The following MACO1 variants were observed in gnomAD, a reference collection of about 807,000 sequenced individuals.
MACO1 encodes the protein macoilin 1.
A neutral mutation model predicts 78.7 loss-of-function variants in MACO1; 14 were observed. That is an observed-to-expected ratio of 0.18 (90% CI 0.12 to 0.28). MACO1 has a LOEUF of 0.28. MACO1 is among the 10% of genes least tolerant of loss of function. MACO1 has a pLI of 1.00. For synonymous variants in MACO1, 288 were observed against 291.6 expected, an observed-to-expected ratio of 0.99 and a Z score of 0.12; for missense variants, 501 against 799.0, an observed-to-expected ratio of 0.63 and a Z score of 4.50.
At chr1:25,437,868 C>T (rs970203087) in intron 1 of MACO1, among the ~76,000 whole-genome samples, 2 of 152,106 alleles carry the variant, frequency 1.3e-5, no homozygotes, top group Non-Finnish European at 2.9e-5. Flanking sequence ...CTGCAGTGTG[C>T]CATGATCGTG....
chr1:25,478,785 A>G (rs1432904593), intron 6 of MACO1, among the ~76,000 whole-genome samples: 1 of 152,264 alleles, frequency 6.6e-6, no homozygotes, highest in East Asian at 1.9e-4. Flanking sequence ...TGTACATATA[A>G]ACTCCAGCTT....
chr1:25,435,215 A>C (rs927621338), intron 1 of MACO1, among the ~76,000 whole-genome samples: 1 of 152,124 alleles, frequency 6.6e-6, no homozygotes, highest in Admixed American at 6.5e-5. Flanking sequence ...CTGTGTATTT[A>C]AGACTGCTTC....
At chr1:25,474,699 T>C (rs1245955501) in intron 6 of MACO1, among the ~76,000 whole-genome samples, 1 of 152,208 alleles carries the variant, frequency 6.6e-6, no homozygotes, top group East Asian at 1.9e-4. Flanking sequence ...GCTTACTCCA[T>C]CTGTGTCTAG....
chr1:25,499,289 C>T lies in MACO1; in HGVS notation c.*823C>T, dbSNP rs1483953854. 1 of 152,138 alleles carries T rather than the reference C, an allele frequency of 6.6e-6. No homozygotes were observed. The highest frequency in any genetic ancestry group is 6.5e-5 in the Admixed American group (1 of 15,270). 9.4% of individuals were successfully genotyped at this position (152,138 alleles called of 1,614,324 possible). A position where few individuals can be genotyped will look rare whatever the true frequency, so the allele number is the denominator to read the frequency against. On this transcript the variant is annotated 3_prime_UTR_variant, in exon 11 of 11. Transcript: ENST00000374343. ...AAAACTGGTGGGTAGCTGGGCTGTC[C>T]GTTACCACCACAGCTACATCTTCTG...
Position 25,479,293 on chromosome 1 carries a change from C to T in MACO1, c.1155-4823C>T, listed in dbSNP as rs1009006271. Among the ~76,000 whole-genome samples, 13 of 152,102 alleles carry T rather than the reference C, an allele frequency of 8.5e-5. 1 individual carries two copies. Among genetic ancestry groups the T allele is most frequent in the Non-Finnish European group, 1.2e-4 (8 of 68,032 alleles). On this transcript the variant is annotated intron_variant, in intron 6 of 10. Coordinates refer to ENST00000374343, the MANE Select transcript of MACO1 (RefSeq NM_018202.6). ...TAATAAATTATATATCTGTATTTTA[C>T]CTATAAAGTATTGAACTTCAGCACC...
intron 1 of MACO1, among the ~76,000 whole-genome samples, chr1:25,431,862 C>T (rs1174980691): frequency 6.6e-6 from 1 of 152,140 alleles, no homozygotes; most frequent in African/African-American, 2.4e-5. Flanking sequence ...TTTGACAATT[C>T]CAAGCAGATA....
intron 6 of MACO1, among the ~76,000 whole-genome samples, chr1:25,480,913 T>TAA (rs759266355): frequency 0.032 from 521 of 16,036 alleles, 59 homozygotes; most frequent in Middle Eastern, 0.056. Context: ...GAGACTTGGT[T>TAA]AAAAAAAAAA....
At chr1:25,447,118 A>G (rs941193897) in intron 2 of MACO1, among the ~76,000 whole-genome samples, 2 of 152,160 alleles carry the variant, frequency 1.3e-5, no homozygotes, top group Admixed American at 6.6e-5. Context: ...GGAGGAAGCA[A>G]TAATTACTCA....
intron 4 of MACO1, 72 bp from the exon 5 acceptor site, chr1:25,456,581 A>G (rs2124584656): frequency 6.8e-7 from 1 of 1,476,404 alleles, no homozygotes; most frequent in South Asian, 1.2e-5. Flanking sequence ...AGCCATAGGT[A>G]TTCTCATGTG....
At chr1:25,456,242 A>G (rs989797699) in intron 4 of MACO1, among the ~76,000 whole-genome samples, 27 of 149,984 alleles carry the variant, frequency 1.8e-4, no homozygotes, top group South Asian at 8.5e-4. Flanking sequence ...TGGGCAACAG[A>G]GCGAGACTCC....
intron 6 of MACO1, among the ~76,000 whole-genome samples, chr1:25,464,469 T>A (rs2043198683): frequency 6.8e-6 from 1 of 147,434 alleles, no homozygotes; most frequent in South Asian, 2.2e-4. Context: ...CTCAGCCTCC[T>A]GAATAGTTGG....
Position 25,431,133 on chromosome 1 carries a change from G to A in MACO1, c.35G>A (p.Arg12His). Residue 12 changes from arginine (R) to histidine (H), a missense_variant, in exon 1 of 11, where the codon CGC (arginine) becomes CAC (histidine). By Grantham distance (29) the Arg-to-His change is conservative (BLOSUM62 0). Transcript: ENST00000374343. ...KRRNADCSKL[R>H]RPLKRNRITE... Reference sequence around the variant, plus strand: ...CGGAACGCCGACTGCAGTAAGCTCCGCCGCCCCCTAAAGCGGAACCGGATC... The same window carrying A: ...CGGAACGCCGACTGCAGTAAGCTCCACCGCCCCCTAAAGCGGAACCGGATC... 6.3e-7 allele frequency: 1 copy of A among 1,598,148 alleles called. No homozygotes were observed. Among genetic ancestry groups the A allele is most frequent in the East Asian group, 2.3e-5 (1 of 43,102 alleles).
chr1:25,479,575 T>A (rs140467196), intron 6 of MACO1, among the ~76,000 whole-genome samples: 8 of 152,156 alleles, frequency 5.3e-5, no homozygotes, highest in South Asian at 2.1e-4. Flanking sequence ...CCCAGCTGCT[T>A]TTTTTGTATT....
intron 3 of MACO1, among the ~76,000 whole-genome samples, chr1:25,450,047 T>C (rs748457197): frequency 4.0e-4 from 60 of 151,608 alleles, no homozygotes; most frequent in Middle Eastern, 3.4e-3. Context: ...CAACACAAAA[T>C]AAAAAAAATA....
chr1:25,449,560 G>A (rs2043046402), intron 3 of MACO1, among the ~76,000 whole-genome samples: 1 of 151,416 alleles, frequency 6.6e-6, no homozygotes, highest in African/African-American at 2.4e-5. Context: ...TTTTAAGATG[G>A]GGTCTCACTA....
chr1:25,458,258 C>A, intron 5 of MACO1, 133 bp from the exon 6 acceptor site: 1 of 1,230,670 alleles, frequency 8.1e-7, no homozygotes, highest in Non-Finnish European at 1.1e-6. Context: ...TCTTGATTAG[C>A]GTATAATGAG....
intron 1 of MACO1, among the ~76,000 whole-genome samples, chr1:25,432,044 G>A (rs760367176): frequency 6.6e-6 from 1 of 151,986 alleles, no homozygotes; most frequent in Non-Finnish European, 1.5e-5. Context: ...GTCGATTTGT[G>A]TACGACTGTT....
chr1:25,443,897 G>A (rs1454270537), intron 1 of MACO1, among the ~76,000 whole-genome samples: 4 of 152,030 alleles, frequency 2.6e-5, no homozygotes, highest in African/African-American at 9.7e-5. Flanking sequence ...TAGCTCCATG[G>A]GGAAAAGGAT....
chr1:25,478,242 C>A (rs2043340474), intron 6 of MACO1, among the ~76,000 whole-genome samples: 1 of 152,190 alleles, frequency 6.6e-6, no homozygotes, highest in African/African-American at 2.4e-5. Context: ...GAGACTCTGT[C>A]TCAAAAAAAT....
Sources: allele counts gnomAD v4.1 joint callset (sites outside exome capture counted in the v4.1 genomes callset), GRCh38; gene constraint gnomAD v4.1.1; transcripts MANE v1.5; gene names NCBI Gene and HGNC (gene_info 2026-07-23, HGNC 2026-07-21).